ZCCHC24: variants seen among roughly 807,000 people sequenced by gnomAD.
The protein encoded by ZCCHC24 is zinc finger CCHC-type containing 24.
In ZCCHC24, 10 loss-of-function variants were observed where a neutral mutation model predicts 26.2. The observed-to-expected ratio is 0.38, with a 90% CI of 0.24 to 0.65. ZCCHC24 has a LOEUF of 0.65. ZCCHC24 is among the 30% of genes least tolerant of loss of function. ZCCHC24 has a pLI of 0.54. For missense variants in ZCCHC24, 243 were observed against 329.1 expected (o/e 0.74, Z 2.03); for synonymous variants, 144 against 147.1 (o/e 0.98, Z 0.15).
chr10:79,438,544 A>G (rs1412326243), intron 1 of ZCCHC24, among the ~76,000 whole-genome samples: 1 of 152,184 alleles, frequency 6.6e-6, no homozygotes, highest in African/African-American at 2.4e-5. Flanking sequence ...ATGGGCCAGG[A>G]CAGTGCTGGG....
chr10:79,439,602 T>G (rs1857263075), intron 1 of ZCCHC24, among the ~76,000 whole-genome samples: 1 of 152,090 alleles, frequency 6.6e-6, no homozygotes, highest in South Asian at 2.1e-4. Flanking sequence ...ATATTGCTAT[T>G]ACAGAACAAG....
At chr10:79,411,993 G>T (rs975433397) in intron 2 of ZCCHC24, among the ~76,000 whole-genome samples, 8 of 152,178 alleles carry the variant, frequency 5.3e-5, no homozygotes, top group Non-Finnish European at 1.2e-4. Flanking sequence ...GCTCCCAGAA[G>T]CCCAGAAGGC....
At chr10:79,416,892 C>T (rs963705843) in intron 2 of ZCCHC24, among the ~76,000 whole-genome samples, 2 of 152,150 alleles carry the variant, frequency 1.3e-5, no homozygotes, top group African/African-American at 4.8e-5. Context: ...GTGCCCGGAA[C>T]ACAGTGAGCG....
chr10:79,429,985 T>A (rs894597901), intron 2 of ZCCHC24, among the ~76,000 whole-genome samples: 3 of 152,150 alleles, frequency 2.0e-5, no homozygotes, highest in Non-Finnish European at 4.4e-5. Context: ...CCTGGAGCTA[T>A]GGCCAGGTGA....
At chr10:79,430,517 C>T (rs76292795) in intron 2 of ZCCHC24, among the ~76,000 whole-genome samples, 5 of 151,730 alleles carry the variant, frequency 3.3e-5, no homozygotes, top group Non-Finnish European at 7.4e-5. Flanking sequence ...CTCCTTCTGC[C>T]GTAGAGTTAA....
chr10:79,424,322 A>C (rs1268600074), intron 2 of ZCCHC24, among the ~76,000 whole-genome samples: 1 of 152,220 alleles, frequency 6.6e-6, no homozygotes, highest in Admixed American at 6.5e-5. Context: ...GTAGATGTTC[A>C]ATAAATAACT....
rs751678276 is a variant in ZCCHC24, at chr10:79,386,329, G to A, written c.*16C>T. The stretch of plus-strand genomic sequence containing the variant: ...GGGCTGGCGGGGGGTGGCTCTGGGT[G>A]CGGGCGGGCAGCCCGTCACTGCACG... On this transcript the variant is annotated 3_prime_UTR_variant, in exon 4 of 4. Coordinates refer to ENST00000372336, the MANE Select transcript of ZCCHC24 (RefSeq NM_153367.4). The A allele has an allele frequency of 1.1e-5, 18 of 1,608,776 alleles. No homozygotes were observed. Among genetic ancestry groups the A allele is most frequent in the Non-Finnish European group, 1.5e-5 (18 of 1,177,226 alleles).
chr10:79,407,863 A>G (rs1250296225), intron 2 of ZCCHC24, among the ~76,000 whole-genome samples: 1 of 152,170 alleles, frequency 6.6e-6, no homozygotes, highest in Non-Finnish European at 1.5e-5. Flanking sequence ...AGAAAGGCCC[A>G]TCTCTTTAAA....
At chr10:79,403,169 G>T (rs1856660852) in intron 2 of ZCCHC24, among the ~76,000 whole-genome samples, 2 of 152,220 alleles carry the variant, frequency 1.3e-5, no homozygotes, top group Admixed American at 1.3e-4. Flanking sequence ...AACACACTTG[G>T]ATTCACGCCC....
rs114699328 is a variant in ZCCHC24 at position 79,394,517 on chromosome 10, C to T, written c.448-77G>A. The T allele has an allele frequency of 3.9e-3, 6,114 of 1,556,592 alleles. 209 individuals carry two copies. The African/African-American group carries it at 0.072, about 18-fold the overall frequency. On this transcript the variant is annotated intron_variant, in intron 2 of 3. Coordinates refer to ENST00000372336, the MANE Select transcript of ZCCHC24 (RefSeq NM_153367.4). ...TGCCCCACAGGGTTCCCCTGGCCTC[C>T]GCCTCAGTCTTCATGTCCTGTGTCC...
intron 3 of ZCCHC24, among the ~76,000 whole-genome samples, chr10:79,389,528 T>TTGTGTGTGTGTG (rs1564631249): frequency 7.7e-5 from 5 of 65,200 alleles, no homozygotes; most frequent in African/African-American, 3.2e-4. Context: ...GACTTTTTCC[T>TTGTGTGTGTGTG]AGTGTGTGTG....
chr10:79,437,160 A>G (rs1404280038), intron 1 of ZCCHC24, among the ~76,000 whole-genome samples: 1 of 151,998 alleles, frequency 6.6e-6, no homozygotes, highest in African/African-American at 2.4e-5. Context: ...TGATTCTCCC[A>G]CCTCAGCCTC....
intron 2 of ZCCHC24, among the ~76,000 whole-genome samples, chr10:79,426,303 A>G (rs1261265673): frequency 6.6e-6 from 1 of 152,204 alleles, no homozygotes; most frequent in Admixed American, 6.5e-5. Context: ...TGTTCTGCAC[A>G]TTTTACTCCC....
intron 2 of ZCCHC24, among the ~76,000 whole-genome samples, chr10:79,427,540 G>A (rs926460425): frequency 6.6e-6 from 1 of 151,312 alleles, no homozygotes; most frequent in African/African-American, 2.4e-5. Flanking sequence ...AGATGTGTGG[G>A]AAACACGCAA....
chr10:79,431,771 C>T (rs1004617617), intron 2 of ZCCHC24, among the ~76,000 whole-genome samples: 2 of 151,934 alleles, frequency 1.3e-5, no homozygotes, highest in African/African-American at 4.8e-5. Flanking sequence ...AGTAATGCCA[C>T]ATTATAAAAA....
intron 2 of ZCCHC24, among the ~76,000 whole-genome samples, chr10:79,401,567 G>A (rs575368237): frequency 1.3e-5 from 2 of 152,208 alleles, no homozygotes; most frequent in Admixed American, 6.5e-5. Context: ...CCACCAAGCC[G>A]GGATGGTGAG....
At chr10:79,439,725 G>A (rs1170916923) in intron 1 of ZCCHC24, among the ~76,000 whole-genome samples, 1 of 151,240 alleles carries the variant, frequency 6.6e-6, no homozygotes, top group Non-Finnish European at 1.5e-5. Flanking sequence ...CTGGGGGGAG[G>A]TGGAGGTTGC....
intron 2 of ZCCHC24, among the ~76,000 whole-genome samples, chr10:79,411,054 C>T (rs954661722): frequency 6.6e-6 from 1 of 152,078 alleles, no homozygotes; most frequent in Non-Finnish European, 1.5e-5. Flanking sequence ...TGTCTTGTGC[C>T]GGCAGTGATG....
At chr10:79,415,192 CA>C (rs766119883) in intron 2 of ZCCHC24, among the ~76,000 whole-genome samples, 135 of 152,174 alleles carry the variant, frequency 8.9e-4, no homozygotes, top group Non-Finnish European at 7.1e-4. Flanking sequence ...CAGGCTGCTT[CA>C]AGGGAGGTTG....
Sources: gnomAD v4.1 joint callset for allele counts (sites outside exome capture counted in the v4.1 genomes callset) on GRCh38, gnomAD v4.1.1 for gene constraint, MANE v1.5 for transcripts, NCBI Gene and HGNC (gene_info 2026-07-23, HGNC 2026-07-21) for gene names.